Variants in PDZD2 observed in about 807,000 individuals in gnomAD.
The protein encoded by PDZD2 is PDZ domain-containing protein 2.
In PDZD2, 90 loss-of-function variants were observed where a neutral mutation model predicts 220.7. The observed-to-expected ratio is 0.41, with a 90% CI of 0.34 to 0.49. PDZD2 has a LOEUF of 0.49. PDZD2 is among the 20% of genes least tolerant of loss of function. PDZD2 has a pLI of 0.28. For missense variants in PDZD2, 3,174 were observed against 3,608.5 expected, an observed-to-expected ratio of 0.88 and a Z score of 3.08; for synonymous variants, 1,375 against 1,450.5, an observed-to-expected ratio of 0.95 and a Z score of 1.18.
chr5:31,826,172 T>C (rs1756203589), intron 2 of PDZD2, among the ~76,000 whole-genome samples: 1 of 152,152 alleles, frequency 6.6e-6, no homozygotes, highest in South Asian at 2.1e-4. Context: ...CTTTTATCCA[T>C]GCCCCCAAGA....
chr5:32,096,442 C>T (rs918762787), intron 21 of PDZD2, among the ~76,000 whole-genome samples: 2 of 152,100 alleles, frequency 1.3e-5, no homozygotes, highest in Non-Finnish European at 2.9e-5. Context: ...CTCAGCCTCC[C>T]AAGTAGCTGG....
In PDZD2 at chr5:32,087,468, G is replaced by T. The variant is rs767181319; in HGVS notation, c.4020G>T (p.Leu1340=). 1 of 1,613,850 alleles carries T rather than the reference G, an allele frequency of 6.2e-7. No individual in the cohort carries two copies. Among genetic ancestry groups the T allele is most frequent in the Non-Finnish European group, 8.5e-7 (1 of 1,179,844 alleles). Residue 1340 remains leucine, a synonymous_variant, in exon 20 of 25, where the codon CTG becomes CTT. Transcript: ENST00000438447. This position sits in a 1 kb window ranked among gnomAD's most constrained non-coding sequence, Gnocchi z 4.0. ...AEGMTPAGAV[L]PGDPLTSQEQ... is the part of the protein sequence containing the mutation. ...GAATGACACCAGCTGGTGCTGTCCT[G>T]CCAGGAGACCCCCTCACATCCCAGG...
At chr5:31,710,701 T>C (rs4867379) in intron 1 of PDZD2, among the ~76,000 whole-genome samples, 25,041 of 151,784 alleles carry the variant, frequency 0.16, 2,107 homozygotes, top group South Asian at 0.18. Context: ...CCTGTAATCC[T>C]AGCTACTCAG....
chr5:31,979,579 CAA>C (rs10590418), intron 2 of PDZD2, among the ~76,000 whole-genome samples: 69,960 of 138,700 alleles, frequency 0.5, 16,947 homozygotes, highest in South Asian at 0.64. Flanking sequence ...GACTCTGTCT[CAA>C]AAAAAAAAAA....
At chr5:32,003,552 G>A in intron 5 of PDZD2, among the ~76,000 whole-genome samples, 1 of 150,468 alleles carries the variant, frequency 6.6e-6, no homozygotes, top group African/African-American at 2.5e-5. Flanking sequence ...AGAGGCATGT[G>A]TCTGCAGAGA....
intron 10 of PDZD2, among the ~76,000 whole-genome samples, chr5:32,056,356 G>C (rs1207497873): frequency 6.6e-6 from 1 of 152,200 alleles, no homozygotes; most frequent in Non-Finnish European, 1.5e-5. Context: ...GGGATTGGCT[G>C]TCTGCGAGAG....
intron 2 of PDZD2, among the ~76,000 whole-genome samples, chr5:31,876,985 G>C (rs1264297797): frequency 6.6e-6 from 1 of 152,148 alleles, no homozygotes; most frequent in Non-Finnish European, 1.5e-5. Flanking sequence ...CTGTGCCTCA[G>C]GTTTATCTAT....
chr5:32,002,864 C>CACA (rs1284027213), intron 5 of PDZD2, among the ~76,000 whole-genome samples: 1 of 125,548 alleles, frequency 8.0e-6, no homozygotes, highest in African/African-American at 3.0e-5. Context: ...ACACACACAC[C>CACA]CCACATACCA....
chr5:31,866,151 G>A (rs74672149), intron 2 of PDZD2, among the ~76,000 whole-genome samples: 2 of 151,736 alleles, frequency 1.3e-5, no homozygotes, highest in Non-Finnish European at 1.5e-5. Flanking sequence ...GGCGGGGGCC[G>A]TCACACCTGG....
At chr5:32,012,755 T>TA (rs1406757058) in intron 6 of PDZD2, among the ~76,000 whole-genome samples, 2 of 152,100 alleles carry the variant, frequency 1.3e-5, no homozygotes, top group African/African-American at 4.8e-5. Context: ...TCAAACTTCA[T>TA]ATACTAAATA....
At chr5:32,075,306 G>A (rs1741184947) in intron 18 of PDZD2, among the ~76,000 whole-genome samples, 2 of 152,118 alleles carry the variant, frequency 1.3e-5, no homozygotes, top group African/African-American at 2.4e-5. Context: ...TTACAACTTG[G>A]GCAAGTTATT....
At chr5:32,101,781 T>C (rs1245895896) in intron 24 of PDZD2, among the ~76,000 whole-genome samples, 1 of 152,246 alleles carries the variant, frequency 6.6e-6, no homozygotes, top group Non-Finnish European at 1.5e-5. Flanking sequence ...GCTTGGTAAA[T>C]ATCCATCTCT....
rs1278046491 is a variant in PDZD2 at position 31,646,438 on chromosome 5, G to A, written c.-361+7001G>A. ...TGACACTGCTTATGTTTGCTTGCAG[G>A]TGATCAAATGGAATCATACACTCTC... On this transcript the variant is annotated intron_variant, in intron 1 of 24. Coordinates refer to ENST00000438447, the MANE Select transcript of PDZD2 (RefSeq NM_178140.4). The surrounding 1 kb of genome is among the most constrained non-coding windows in gnomAD (Gnocchi z 4.7). Among the ~76,000 whole-genome samples, 1 of 152,120 alleles carries A rather than the reference G, an allele frequency of 6.6e-6. No homozygotes were observed. Among genetic ancestry groups the A allele is most frequent in the Non-Finnish European group, 1.5e-5 (1 of 68,034 alleles).
In PDZD2 at chr5:32,088,283, C is replaced by T. The variant is rs200504808; in HGVS notation, c.4835C>T (p.Ser1612Leu). 1.9e-6 allele frequency: 3 copies of T among 1,614,090 alleles called. No individual in the cohort carries two copies. The highest frequency in any genetic ancestry group is 1.6e-4 in the Middle Eastern group (1 of 6,062). The change falls in exon 20 of 25, where the codon TCG becomes TTG. Residue 1612 changes from serine to leucine, a missense_variant. Around this residue, in one of 4 missense-constraint regions of PDZD2, gnomAD observed 1,861 missense variants for 2,001.0 expected, o/e 0.93. Coordinates refer to ENST00000438447, the MANE Select transcript of PDZD2 (RefSeq NM_178140.4). The surrounding 1 kb of genome is among the most constrained non-coding windows in gnomAD (Gnocchi z 4.6). Reference protein sequence around the residue: ...CSTRGCPNPPSSPAHLPTQAA... With the variant: ...CSTRGCPNPPLSPAHLPTQAA... The stretch of plus-strand genomic sequence containing the variant: ...ACACGTGGCTGCCCCAATCCACCCT[C>T]GAGTCCTGCTCATCTTCCCACCCAG...
Position 32,098,318 on chromosome 5 carries a change from C to G in PDZD2, c.7948-46C>G, listed in dbSNP as rs774557696. ...TTACTATCTCCCTTTTACCGGAAAT[C>G]GTAAGTGGATCTGGTTTTTGTTCCC... On this transcript the variant is annotated intron_variant, in intron 22 of 24. Transcript: ENST00000438447. This position sits in a 1 kb window ranked among gnomAD's most constrained non-coding sequence, Gnocchi z 4.1. 7.6e-6 allele frequency: 12 copies of G among 1,583,516 alleles called. No individual in the cohort carries two copies. The East Asian group carries it at 2.7e-4, about 35-fold the overall frequency.
At chr5:32,105,292 CAAACTT>C (rs1744659696) in intron 24 of PDZD2, among the ~76,000 whole-genome samples, 1 of 152,130 alleles carries the variant, frequency 6.6e-6, no homozygotes, top group African/African-American at 2.4e-5. Context: ...GGAAGATGCT[CAAACTT>C]AAATGTATTG....
At chr5:32,015,687 T>G (rs1753732867) in intron 6 of PDZD2, among the ~76,000 whole-genome samples, 1 of 152,112 alleles carries the variant, frequency 6.6e-6, no homozygotes, top group Non-Finnish European at 1.5e-5. Flanking sequence ...GTGTAAATAA[T>G]GTCTTTGAAA....
intron 2 of PDZD2, among the ~76,000 whole-genome samples, chr5:31,905,670 C>G (rs1051712416): frequency 6.6e-6 from 1 of 152,176 alleles, no homozygotes; most frequent in East Asian, 1.9e-4. Flanking sequence ...TAAGAACTTC[C>G]CAGAGTAAGA....
chr5:32,027,091 A>C (rs1754727419), intron 6 of PDZD2, among the ~76,000 whole-genome samples: 1 of 151,964 alleles, frequency 6.6e-6, no homozygotes, highest in Non-Finnish European at 1.5e-5. Flanking sequence ...TTTAGTAGAG[A>C]CGGGGTTTCA....
Sources: allele counts gnomAD v4.1 joint callset (sites outside exome capture counted in the v4.1 genomes callset), GRCh38; gene constraint gnomAD v4.1.1; regional missense constraint gnomAD v4.1.1; non-coding constraint Gnocchi (gnomAD v3.1); transcripts MANE v1.5; gene names NCBI Gene and HGNC (gene_info 2026-07-23, HGNC 2026-07-21).